The following RO60 variants were observed in gnomAD, a reference collection of about 807,000 sequenced individuals.
RO60 encodes the protein Ro60, Y RNA binding protein, also known as RNA-binding protein RO60.
A neutral mutation model predicts 55.3 loss-of-function variants in RO60; 20 were observed. The observed-to-expected ratio is 0.36, with a 90% confidence interval of 0.25 to 0.53. RO60 has a LOEUF of 0.53. Among genes scored for constraint, RO60 ranks in the 20% least tolerant of loss-of-function variants. The pLI is 0.92. For synonymous variants in RO60, 213 were observed against 213.6 expected (o/e 1.00, Z 0.02); for missense variants, 558 against 646.6 (o/e 0.86, Z 1.49).
rs768626242 is a variant in RO60, at chr1:193,076,597, G to A, written c.898G>A (p.Glu300Lys). Reference protein sequence around the residue: ...ANSVLEPGNSEVSLVCEKLCN... With the variant: ...ANSVLEPGNSKVSLVCEKLCN... The stretch of plus-strand genomic sequence containing the variant: ...TTCAGTACTTGAACCAGGAAATTCA[G>A]AAGTATCTTTAGTATGTGAAAAACT... The change falls in exon 4 of 9, where the codon GAA (glutamate) becomes AAA (lysine). Residue 300 changes from glutamate (E) to lysine (K), a missense_variant. Physicochemically the swap from Glu to Lys is moderately conservative, Grantham distance 56. Coordinates refer to ENST00000400968, the MANE Select transcript of RO60 (RefSeq NM_001173524.2). 3.7e-6 allele frequency: 6 copies of A among 1,610,510 alleles called. No homozygotes were observed. The South Asian group carries it at 6.6e-5, about 18-fold the overall frequency.
At chr1:193,076,864 T>G in intron 4 of RO60, 49 bp from the exon 5 acceptor site, 1 of 1,570,048 alleles carries the variant, frequency 6.4e-7, no homozygotes, top group South Asian at 1.2e-5. Context: ...CTAAGGAGTA[T>G]ACATAATCAC....
intron 1 of RO60, among the ~76,000 whole-genome samples, chr1:193,067,722 A>G (rs1426833231): frequency 6.6e-6 from 1 of 152,228 alleles, no homozygotes; most frequent in East Asian, 1.9e-4. Flanking sequence ...TTCCTCCATT[A>G]GAAGGATAAA....
At chr1:193,060,449 A>G (rs1319826680) in intron 1 of RO60, among the ~76,000 whole-genome samples, 1 of 152,284 alleles carries the variant, frequency 6.6e-6, no homozygotes, top group Non-Finnish European at 1.5e-5. Flanking sequence ...AGTATATTGA[A>G]GTCGTTAAGT....
chr1:193,071,668 A>G (rs1673511566), intron 2 of RO60, among the ~76,000 whole-genome samples: 1 of 151,388 alleles, frequency 6.6e-6, no homozygotes, highest in Non-Finnish European at 1.5e-5. Context: ...TTTCAGTAGA[A>G]TCATGAAAGA....
chr1:193,085,905 A>C lies in RO60; in HGVS notation c.*1174A>C. The C allele has an allele frequency of 1.0e-6, 1 of 985,224 alleles. No individual in the cohort carries two copies. The highest frequency in any genetic ancestry group is 1.2e-6 in the Non-Finnish European group (1 of 829,752). 61.0% of individuals were successfully genotyped at this position (985,224 alleles called of 1,614,324 possible). ...ATTATTTGTATGTATTAAACTTTTC[A>C]TTACACTAAAGTGCATTATTTTATT... On this transcript the variant is annotated 3_prime_UTR_variant, in exon 9 of 9. Transcript: ENST00000400968.
At position 193,059,679 on chromosome 1, in the gene RO60, C is replaced by A; in HGVS notation, c.-119C>A. On this transcript the variant is annotated 5_prime_UTR_variant, in exon 1 of 9. Coordinates refer to ENST00000400968, the MANE Select transcript of RO60 (RefSeq NM_001173524.2). This position sits in a 1 kb window ranked among gnomAD's most constrained non-coding sequence, Gnocchi z 4.9. ...GGGCTGTTGCTGTTGCTGTGGCTGT[C>A]GCTGCCCGTCAGGCTGCCTTCTTTT... 1 of 1,366,500 alleles carries A rather than the reference C, an allele frequency of 7.3e-7. No individual in the cohort carries two copies. Among genetic ancestry groups the A allele is most frequent in the Non-Finnish European group, 9.8e-7 (1 of 1,024,428 alleles). The allele number at this position is 1,366,500 out of a possible 1,614,324, so 84.6% of individuals were successfully genotyped here.
rs971648179 is a variant in RO60 at position 193,085,111 on chromosome 1, T to C, written c.*380T>C. 1 of 1,449,060 alleles carries C rather than the reference T, an allele frequency of 6.9e-7. No individual in the cohort carries two copies. The highest frequency in any genetic ancestry group is 9.1e-7 in the Non-Finnish European group (1 of 1,103,810). The allele number at this position is 1,449,060 out of a possible 1,614,324, so 89.8% of individuals were successfully genotyped here. A position where few individuals can be genotyped will look rare whatever the true frequency, so the allele number is the denominator to read the frequency against. On this transcript the variant is annotated 3_prime_UTR_variant, in exon 9 of 9. Coordinates refer to ENST00000400968, the MANE Select transcript of RO60 (RefSeq NM_001173524.2). Reference sequence around the variant, plus strand: ...CTTAACGTTTTCTTAAATGTTTTCATTGGGAAAGGACAGCTTTGATAATGT... The same window carrying C: ...CTTAACGTTTTCTTAAATGTTTTCACTGGGAAAGGACAGCTTTGATAATGT...
intron 1 of RO60, among the ~76,000 whole-genome samples, chr1:193,064,574 A>C (rs1672990310): frequency 6.6e-6 from 1 of 152,222 alleles, no homozygotes; most frequent in South Asian, 2.1e-4. Context: ...CTTTTAAAAT[A>C]TGAATATGAC....
downstream of RO60, chr1:193,091,583 T>A (rs1247500863): frequency 8.1e-7 from 1 of 1,229,616 alleles, no homozygotes; most frequent in Non-Finnish European, 1.2e-6. Flanking sequence ...AATATATTAA[T>A]GTATTACATT....
rs1345086321 is a variant in RO60 at position 193,069,043 on chromosome 1, A to C, written c.-12A>C. 1 of 1,595,424 alleles carries C rather than the reference A, an allele frequency of 6.3e-7. No homozygotes were observed. Among genetic ancestry groups the C allele is most frequent in the Admixed American group, 1.7e-5 (1 of 57,572 alleles). ...TTTGCCTTTTTGTTAGGTTTCCTAA[A>C]GACAAAAAAAAATGGAGGAATCTGT... On this transcript the variant is annotated 5_prime_UTR_variant, in exon 2 of 9. Coordinates refer to ENST00000400968, the MANE Select transcript of RO60 (RefSeq NM_001173524.2).
Position 193,082,263 on chromosome 1 carries a change from T to G in RO60, c.1281T>G (p.Asp427Glu), listed in dbSNP as rs765944275. The G allele has an allele frequency of 3.7e-6, 6 of 1,613,212 alleles. No individual in the cohort carries two copies. In the South Asian group the frequency reaches 6.6e-5, roughly 18 times the overall value. The change falls in exon 7 of 9, where the codon GAT becomes GAG. Residue 427 changes from aspartate (D) to glutamate (E), a missense_variant. Asp to Glu is a conservative substitution (Grantham distance 45, BLOSUM62 2). Coordinates refer to ENST00000400968, the MANE Select transcript of RO60 (RefSeq NM_001173524.2). ...TGGTACCATGTCCAGTGACTACAGA[T>G]ATGACCTTACAACAGGTTTTAATGG... ...DEMVPCPVTT[D>E]MTLQQVLMAM...
chr1:193,079,354 G>T (rs1466372323), intron 5 of RO60, among the ~76,000 whole-genome samples: 1 of 152,112 alleles, frequency 6.6e-6, no homozygotes, highest in African/African-American at 2.4e-5. Context: ...CTCCCAAAGT[G>T]CTGGGATTAC....
Position 193,085,805 on chromosome 1 carries a change from A to AG in RO60, c.*1076dup, listed in dbSNP as rs1253932453. ...GTGTAAACAAATAATAAAGCAATCT[A>AG]GGTCCTTTAGGTTTGAAAGGCAATT... On this transcript the variant is annotated 3_prime_UTR_variant, in exon 9 of 9. Coordinates refer to ENST00000400968, the MANE Select transcript of RO60 (RefSeq NM_001173524.2). 2 of 984,966 alleles carry AG rather than the reference A, an allele frequency of 2.0e-6. No individual in the cohort carries two copies. Among genetic ancestry groups the AG allele is most frequent in the African/African-American group, 3.5e-5 (2 of 57,224 alleles). 61.0% of individuals were successfully genotyped at this position (984,966 alleles called of 1,614,324 possible). A position where few individuals can be genotyped will look rare whatever the true frequency, so the allele number is the denominator to read the frequency against.
intron 4 of RO60, 131 bp downstream of exon 4, chr1:193,076,778 A>T: frequency 1.5e-6 from 2 of 1,323,176 alleles, no homozygotes; most frequent in Non-Finnish European, 2.1e-6. Context: ...TATGGCTCTT[A>T]AGTGTAAGTT....
Position 193,089,350 on chromosome 1 carries a change from C to G in RO60, c.*4619C>G, listed in dbSNP as rs956576350. ...TTGGTTTACTAAATATTTCACTGAG[C>G]ATATATAGAGATACGTTGCTTGTGG... On this transcript the variant is annotated 3_prime_UTR_variant, in exon 9 of 9. Coordinates refer to ENST00000400968, the MANE Select transcript of RO60 (RefSeq NM_001173524.2). 6.6e-6 allele frequency: 1 copy of G among 152,036 alleles called. No individual in the cohort carries two copies. The highest frequency in any genetic ancestry group is 1.5e-5 in the Non-Finnish European group (1 of 67,988). 9.4% of individuals were successfully genotyped at this position (152,036 alleles called of 1,614,324 possible). A position where few individuals can be genotyped will look rare whatever the true frequency, so the allele number is the denominator to read the frequency against.
At chr1:193,065,825 A>G (rs1453596587) in intron 1 of RO60, among the ~76,000 whole-genome samples, 1 of 152,202 alleles carries the variant, frequency 6.6e-6, no homozygotes, top group African/African-American at 2.4e-5. Context: ...TTCCACTAAC[A>G]TAAGCAAATT....
chr1:193,060,129 G>A (rs922368387), intron 1 of RO60: 7 of 1,195,684 alleles, frequency 5.9e-6, no homozygotes, highest in Non-Finnish European at 7.4e-6. Context: ...TCTGCGCGGA[G>A]AGGCGTCGCC....
At chr1:193,075,509 A>C (rs1165225741) in intron 2 of RO60, among the ~76,000 whole-genome samples, 2 of 151,948 alleles carry the variant, frequency 1.3e-5, no homozygotes, top group Non-Finnish European at 2.9e-5. Flanking sequence ...AGTTGTTCTG[A>C]GATTATGGAC....
intron 1 of RO60, among the ~76,000 whole-genome samples, chr1:193,067,458 T>TA (rs1382173171): frequency 6.6e-6 from 1 of 152,170 alleles, no homozygotes; most frequent in Non-Finnish European, 1.5e-5. Flanking sequence ...GTGCTGGGAT[T>TA]ACAGGCGTGA....
Sources: gnomAD v4.1 joint callset for allele counts (sites outside exome capture counted in the v4.1 genomes callset) on GRCh38, gnomAD v4.1.1 for gene constraint, Gnocchi (gnomAD v3.1) non-coding constraint, MANE v1.5 for transcripts, NCBI Gene and HGNC (gene_info 2026-07-23, HGNC 2026-07-21) for gene names.